Variants in ASIC2 observed in about 807,000 individuals in gnomAD.
The protein encoded by ASIC2 is acid sensing ion channel subunit 2.
A neutral mutation model predicts 57.3 loss-of-function variants in ASIC2; 25 were observed. The ratio of observed to expected loss-of-function variants is 0.44; its 90% CI spans 0.32 to 0.61. The LOEUF (loss-of-function observed/expected upper bound fraction) is 0.61, where lower values mean the gene tolerates loss of function less well. Among genes scored for constraint, ASIC2 ranks in the 20% least tolerant of loss-of-function variants. The probability of loss-of-function intolerance (pLI) is 0.06; values close to 1 mark genes in which losing one functional copy is unlikely to be tolerated. For missense variants in ASIC2, 641 were observed against 738.1 expected, an observed-to-expected ratio of 0.87 and a Z score of 1.52; for synonymous variants, 319 against 307.5, an observed-to-expected ratio of 1.04 and a Z score of -0.39.
chr17:33,110,325 G>A (rs886717860), intron 2 of ASIC2, among the ~76,000 whole-genome samples: 1 of 152,174 alleles, frequency 6.6e-6, no homozygotes. Context: ...ACGGTCCCAG[G>A]GCCTGGTTGG....
intron 3 of ASIC2, among the ~76,000 whole-genome samples, chr17:33,037,168 C>T (rs962972869): frequency 6.7e-6 from 1 of 149,584 alleles, no homozygotes; most frequent in African/African-American, 2.5e-5. Context: ...GGATCCCCTA[C>T]ATTGCTCAAT....
intron 1 of ASIC2, among the ~76,000 whole-genome samples, chr17:33,158,965 T>C (rs189246316): frequency 3.7e-4 from 57 of 152,344 alleles, no homozygotes; most frequent in Non-Finnish European, 6.9e-4. Context: ...AAAGTCTGCA[T>C]GCCAAGCAAT....
chr17:33,858,587 G>A (rs951462182), intron 1 of ASIC2, among the ~76,000 whole-genome samples: 4 of 152,218 alleles, frequency 2.6e-5, no homozygotes, highest in Non-Finnish European at 5.9e-5. Flanking sequence ...AGCCGCCAGC[G>A]GGACATCTCT....
chr17:33,551,040 T>C (rs527701955), intron 1 of ASIC2, among the ~76,000 whole-genome samples: 1 of 152,306 alleles, frequency 6.6e-6, no homozygotes, highest in East Asian at 1.9e-4. Flanking sequence ...GATGATATTT[T>C]TATGCCTAGA....
intron 1 of ASIC2, chr17:33,569,257 CA>C (rs1916350708): frequency 6.6e-6 from 1 of 152,286 alleles, no homozygotes; most frequent in African/African-American, 2.4e-5. Context: ...GTGGGGCCTG[CA>C]AGGCATGTAG....
In ASIC2 at chr17:33,861,263, G is replaced by A. The variant is rs184656756; in HGVS notation, c.555+294715C>T. Reference sequence around the variant, plus strand: ...GCCAGTATAAGGAATTTCGAATAACGTAGAAAATATTTAAGGTACAATATT... The same window carrying A: ...GCCAGTATAAGGAATTTCGAATAACATAGAAAATATTTAAGGTACAATATT... On this transcript the variant is annotated intron_variant, in intron 1 of 9. Transcript: ENST00000359872. 6.0e-4 allele frequency among the ~76,000 whole-genome samples: 92 copies of A among 152,298 alleles called. 1 individual carries two copies. Among genetic ancestry groups the A allele is most frequent in the African/African-American group, 2.1e-3 (89 of 41,582 alleles).
intron 1 of ASIC2, among the ~76,000 whole-genome samples, chr17:33,465,372 C>CTTTTTTTTTTTTTTT (rs67424466): frequency 2.3e-5 from 2 of 88,274 alleles, no homozygotes; most frequent in African/African-American, 4.4e-5. Flanking sequence ...TTTTCTTTTT[C>CTTTTTTTTTTTTTTT]TTTTTTTTTT....
intron 1 of ASIC2, among the ~76,000 whole-genome samples, chr17:33,629,296 G>A (rs1056023353): frequency 6.7e-6 from 1 of 148,228 alleles, no homozygotes; most frequent in Non-Finnish European, 1.5e-5. Flanking sequence ...CACTATTAAG[G>A]ATGAATGATT....
chr17:34,087,669 A>T (rs1175534200), intron 1 of ASIC2, among the ~76,000 whole-genome samples: 1 of 151,994 alleles, frequency 6.6e-6, no homozygotes, highest in Non-Finnish European at 1.5e-5. Context: ...CGTCACTTTC[A>T]GGTACACCAA....
At chr17:33,560,421 A>G (rs1433811796) in intron 1 of ASIC2, among the ~76,000 whole-genome samples, 1 of 152,260 alleles carries the variant, frequency 6.6e-6, no homozygotes, top group African/African-American at 2.4e-5. Flanking sequence ...TTATGAGTTG[A>G]TTAAATAAAT....
intron 1 of ASIC2, among the ~76,000 whole-genome samples, chr17:33,213,080 C>T (rs1453823753): frequency 6.6e-6 from 1 of 152,254 alleles, no homozygotes; most frequent in African/African-American, 2.4e-5. Context: ...ATCCAAAACA[C>T]ACTCTGTGCA....
Position 33,526,774 on chromosome 17 carries a change from C to G in ASIC2, c.556-414707G>C, listed in dbSNP as rs138139826. 4.5e-3 allele frequency among the ~76,000 whole-genome samples: 678 copies of G among 152,246 alleles called. 4 individuals are homozygous for G. Among genetic ancestry groups the G allele is most frequent in the African/African-American group, 0.015 (624 of 41,538 alleles). On this transcript the variant is annotated intron_variant, in intron 1 of 9. Coordinates refer to the ASIC2 transcript ENST00000359872. ...TGGGCTGCCCACCCCTTCTCCTCCC[C>G]TCCCCAGAAAACCCCAGATTCCCCA... is the stretch of plus-strand genomic sequence containing the variant.
chr17:34,049,697 T>G (rs1381819915), intron 1 of ASIC2, among the ~76,000 whole-genome samples: 1 of 152,216 alleles, frequency 6.6e-6, no homozygotes, highest in Non-Finnish European at 1.5e-5. Context: ...AACATGCAGT[T>G]CCTTTCAACT....
intron 2 of ASIC2, among the ~76,000 whole-genome samples, chr17:33,091,715 T>G (rs2092158253): frequency 6.6e-6 from 1 of 152,138 alleles, no homozygotes; most frequent in Non-Finnish European, 1.5e-5. Context: ...AATCCTAAAG[T>G]AGCCTCAGTT....
chr17:33,825,123 C>T (rs778802825), intron 1 of ASIC2, among the ~76,000 whole-genome samples: 2 of 152,208 alleles, frequency 1.3e-5, no homozygotes, highest in East Asian at 3.8e-4. Context: ...TGGAACTTCA[C>T]TAAATTTACC....
At chr17:33,799,288 C>T (rs942681838) in intron 1 of ASIC2, among the ~76,000 whole-genome samples, 9 of 151,356 alleles carry the variant, frequency 5.9e-5, no homozygotes, top group African/African-American at 1.9e-4. Context: ...CTGCCCCTTC[C>T]CTTTCTTCCT....
At chr17:33,540,754 A>C (rs184610832) in intron 1 of ASIC2, among the ~76,000 whole-genome samples, 2 of 152,224 alleles carry the variant, frequency 1.3e-5, no homozygotes, top group Admixed American at 6.5e-5. Context: ...CTTATTATTC[A>C]CTGGGACCTA....
intron 2 of ASIC2, among the ~76,000 whole-genome samples, chr17:33,105,123 C>A (rs947966383): frequency 2.0e-5 from 3 of 152,130 alleles, no homozygotes; most frequent in African/African-American, 4.8e-5. Context: ...GTGGAAGGGG[C>A]AGACAATAAA....
At chr17:33,443,657 C>A (rs1057497351) in intron 1 of ASIC2, among the ~76,000 whole-genome samples, 1 of 151,434 alleles carries the variant, frequency 6.6e-6, no homozygotes. Context: ...ACCTCGTGAT[C>A]CGCCCGCCTC....
Sources: gnomAD v4.1 joint callset for allele counts (sites outside exome capture counted in the v4.1 genomes callset) on GRCh38, gnomAD v4.1.1 for gene constraint, MANE v1.5 for transcripts, NCBI Gene and HGNC (gene_info 2026-07-23, HGNC 2026-07-21) for gene names.